Variants in ZNF423 observed in about 807,000 individuals in gnomAD.
ZNF423 encodes the protein Ebf-associated zinc finger protein.
ZNF423 carries 12 observed loss-of-function variants against 95.8 expected under a neutral mutation model. That is an observed-to-expected ratio of 0.13 (90% CI 0.08 to 0.20). The LOEUF is 0.20. Ranked by LOEUF, ZNF423 falls within the 10% of genes least tolerant of loss-of-function variation. The pLI, the probability that ZNF423 is intolerant of heterozygous loss-of-function variation, is 1.00. For missense variants in ZNF423, 1,316 were observed against 1,737.1 expected (o/e 0.76, Z 4.31); for synonymous variants, 749 against 711.9 (o/e 1.05, Z -0.83).
chr16:49,621,297 C>A (rs1315352774), intron 5 of ZNF423, among the ~76,000 whole-genome samples: 1 of 152,208 alleles, frequency 6.6e-6, no homozygotes, highest in Non-Finnish European at 1.5e-5. Context: ...ATTCTCCATG[C>A]GGAGGGGGGA....
At position 49,855,407 on chromosome 16, in the gene ZNF423, C is replaced by A. The variant is rs188617726; in HGVS notation, c.40+328G>T. 2.7e-3 allele frequency among the ~76,000 whole-genome samples: 415 copies of A among 151,202 alleles called. 7 individuals carry two copies. The East Asian group carries it at 0.03, about 11-fold the overall frequency. On this transcript the variant is annotated intron_variant, in intron 1 of 7. Coordinates refer to ENST00000563137, the MANE Select transcript of ZNF423 (RefSeq NM_001379286.1). This position sits in a 1 kb window ranked among gnomAD's most constrained non-coding sequence, Gnocchi z 4.7. ...ATTGGCCACACGGGCCCGGGCCCCGCACGGAGGGAGCGGCAAGGGCCCCTT... is the reference window on the plus strand; with the variant it reads ...ATTGGCCACACGGGCCCGGGCCCCGAACGGAGGGAGCGGCAAGGGCCCCTT...
In ZNF423 at chr16:49,525,358, C is replaced by A; in HGVS notation, c.3733+5G>T. The A allele has an allele frequency of 6.2e-7, 1 of 1,613,992 alleles. No individual in the cohort carries two copies. Among genetic ancestry groups the A allele is most frequent in the South Asian group, 1.1e-5 (1 of 91,056 alleles). On this transcript the variant is annotated splice_donor_5th_base_variant and intron_variant, in intron 6 of 7. Transcript: ENST00000563137. ...CCCCTGAGGGGCACAAGCTGGGTAC[C>A]TTACCTGTGAAACACACGGGGCATT...
chr16:49,512,279 A>T (rs1253341572), intron 7 of ZNF423, among the ~76,000 whole-genome samples: 1 of 152,210 alleles, frequency 6.6e-6, no homozygotes, highest in Non-Finnish European at 1.5e-5. Context: ...GAACGCATTA[A>T]CAGAAAGCCC....
At chr16:49,733,831 G>A (rs757929215) in intron 2 of ZNF423, among the ~76,000 whole-genome samples, 12 of 152,304 alleles carry the variant, frequency 7.9e-5, no homozygotes, top group South Asian at 2.1e-4. Flanking sequence ...ATCAGGCGCT[G>A]GAGAACAGGA....
At chr16:49,750,943 G>A (rs1465004080) in intron 2 of ZNF423, among the ~76,000 whole-genome samples, 2 of 152,170 alleles carry the variant, frequency 1.3e-5, no homozygotes, top group African/African-American at 4.8e-5. Flanking sequence ...TGCACTCCAA[G>A]AACCAAGCGG....
At chr16:49,618,838 T>A (rs1460560085) in intron 5 of ZNF423, among the ~76,000 whole-genome samples, 1 of 152,022 alleles carries the variant, frequency 6.6e-6, no homozygotes, top group Non-Finnish European at 1.5e-5. Context: ...CTTCTCCCCC[T>A]CCCATGTCCA....
chr16:49,585,418 A>G (rs758034507), intron 5 of ZNF423, among the ~76,000 whole-genome samples: 11 of 151,886 alleles, frequency 7.2e-5, no homozygotes, highest in Non-Finnish European at 1.5e-4. Flanking sequence ...CCCCACACCC[A>G]TAGCCGCTGT....
intron 5 of ZNF423, among the ~76,000 whole-genome samples, chr16:49,553,331 T>C (rs1198876604): frequency 1.3e-5 from 2 of 151,922 alleles, no homozygotes; most frequent in African/African-American, 4.8e-5. Context: ...TATATATATA[T>C]ATTTCTTTTC....
chr16:49,763,703 C>T (rs372110136), intron 2 of ZNF423, among the ~76,000 whole-genome samples: 9 of 152,182 alleles, frequency 5.9e-5, no homozygotes, highest in African/African-American at 2.2e-4. Context: ...GAGTCACCCA[C>T]ACTTGGGGGT....
intron 2 of ZNF423, among the ~76,000 whole-genome samples, chr16:49,733,261 T>C (rs911816737): frequency 1.3e-5 from 2 of 152,226 alleles, no homozygotes; most frequent in Admixed American, 6.5e-5. Context: ...GCCATAATTC[T>C]GGCTTTATCT....
chr16:49,751,013 C>T (rs999572992), intron 2 of ZNF423, among the ~76,000 whole-genome samples: 7 of 152,088 alleles, frequency 4.6e-5, no homozygotes, highest in African/African-American at 7.2e-5. Flanking sequence ...ACGAAAGGCC[C>T]GAGGAAGGCC....
At chr16:49,666,350 T>G (rs968658965) in intron 3 of ZNF423, among the ~76,000 whole-genome samples, 4 of 152,196 alleles carry the variant, frequency 2.6e-5, no homozygotes, top group African/African-American at 9.7e-5. Flanking sequence ...GACAGAGGCG[T>G]AAACACACCT....
At chr16:49,803,449 T>C (rs1208866691) in intron 1 of ZNF423, among the ~76,000 whole-genome samples, 2 of 152,122 alleles carry the variant, frequency 1.3e-5, no homozygotes, top group African/African-American at 4.8e-5. Context: ...TAATATTCCT[T>C]AGGTCAGAAG....
At chr16:49,854,300 T>C (rs1258402062) in intron 1 of ZNF423, 1 of 985,362 alleles carries the variant, frequency 1.0e-6, no homozygotes, top group Non-Finnish European at 1.2e-6. Flanking sequence ...CTCCTTCTAA[T>C]ATGACGGGGA....
At chr16:49,664,423 C>G in intron 3 of ZNF423, 1 of 443,382 alleles carries the variant, frequency 2.3e-6, no homozygotes, top group East Asian at 1.6e-4. Context: ...GCTCAGGCCA[C>G]GCGGCCAGAT....
intron 1 of ZNF423, among the ~76,000 whole-genome samples, chr16:49,832,539 G>A (rs974558843): frequency 1.3e-4 from 20 of 152,088 alleles, no homozygotes; most frequent in Non-Finnish European, 4.4e-5. Context: ...TCAAATAGGC[G>A]CTCCTCAAAT....
intron 7 of ZNF423, among the ~76,000 whole-genome samples, chr16:49,500,393 G>A (rs1476024366): frequency 6.6e-6 from 1 of 152,160 alleles, no homozygotes; most frequent in Non-Finnish European, 1.5e-5. Flanking sequence ...TCAACCTGTG[G>A]CCACTGCAAA....
chr16:49,829,590 G>A (rs75182074), intron 1 of ZNF423, among the ~76,000 whole-genome samples: 1 of 152,330 alleles, frequency 6.6e-6, no homozygotes, highest in Non-Finnish European at 1.5e-5. Flanking sequence ...CAGCCAGGAA[G>A]GCGGCTGAAC....
At chr16:49,555,464 A>G (rs537800690) in intron 5 of ZNF423, among the ~76,000 whole-genome samples, 3 of 152,302 alleles carry the variant, frequency 2.0e-5, no homozygotes, top group African/African-American at 7.2e-5. Context: ...GTCCTCTGCT[A>G]TTTTTTCCCA....
Sources: allele counts gnomAD v4.1 joint callset (sites outside exome capture counted in the v4.1 genomes callset), GRCh38; gene constraint gnomAD v4.1.1; non-coding constraint Gnocchi (gnomAD v3.1); transcripts MANE v1.5; gene names NCBI Gene and HGNC (gene_info 2026-07-23, HGNC 2026-07-21).